The following DACH2 variants were observed in gnomAD, a reference collection of about 807,000 sequenced individuals.
DACH2 encodes dachshund family transcription factor 2, also known as dachshund homolog 2.
Under a neutral mutation model 35.8 loss-of-function variants are expected in DACH2, and 17 were observed. The ratio of observed to expected loss-of-function variants is 0.48; its 90% CI spans 0.33 to 0.71. The LOEUF is 0.71. Among genes scored for constraint, DACH2 ranks in the 30% least tolerant of loss-of-function variants. DACH2 has a pLI of 0.02. For missense variants in DACH2, 469 were observed against 472.7 expected (o/e 0.99, Z 0.07); for synonymous variants, 195 against 177.3 (o/e 1.10, Z -0.79).
chrX:86,610,415 TTCTTTTC>T (rs2039925082), intron 3 of DACH2, among the ~76,000 whole-genome samples: 1 of 79,080 alleles, frequency 1.3e-5, no homozygotes. Context: ...CTTTCTTTCT[TTCTTTTC>T]TTTCTTTCTT....
intron 1 of DACH2, among the ~76,000 whole-genome samples, chrX:86,256,516 G>A (rs963876166): frequency 1.8e-5 from 2 of 111,472 alleles, no homozygotes; most frequent in Non-Finnish European, 3.8e-5. Flanking sequence ...AAGTACACAT[G>A]CGCGTGAGAC....
chrX:86,371,577 T>C (rs964257569), intron 1 of DACH2, among the ~76,000 whole-genome samples: 2 of 110,902 alleles, frequency 1.8e-5, no homozygotes, highest in African/African-American at 3.3e-5. Context: ...AATTTACATC[T>C]TTAAAATAAG....
At chrX:86,241,158 CAGA>C (rs2033158333) in intron 1 of DACH2, among the ~76,000 whole-genome samples, 1 of 111,856 alleles carries the variant, frequency 8.9e-6, no homozygotes, top group South Asian at 3.7e-4. Flanking sequence ...TTGGAAGTCT[CAGA>C]AGAAGACGGG....
intron 1 of DACH2, among the ~76,000 whole-genome samples, chrX:86,255,811 A>G (rs1363219732): frequency 3.6e-5 from 4 of 112,234 alleles, no homozygotes; most frequent in Non-Finnish European, 7.5e-5. Flanking sequence ...GTTCTATATA[A>G]ATCATGAAGT....
rs36194671 is a variant in DACH2 at position 86,411,020 on chromosome X, TTATATATA to T, written c.527+34170_527+34177del. Reference sequence around the variant, plus strand: ...CTCTAGAGGGACAGAACTAATATGATTATATATATATATATATATGTATATATGTAAAG... The same window carrying T: ...CTCTAGAGGGACAGAACTAATATGATTATATATATATGTATATATGTAAAG... On this transcript the variant is annotated intron_variant, in intron 2 of 11. Transcript: ENST00000373125. 1.1e-3 allele frequency among the ~76,000 whole-genome samples: 45 copies of T among 40,508 alleles called. 3 individuals are homozygous for T. The highest frequency in any genetic ancestry group is 1.6e-3 in the Non-Finnish European group (36 of 22,479). 35.2% of individuals were successfully genotyped at this position (40,508 alleles called of 115,157 possible). A position where few individuals can be genotyped will look rare whatever the true frequency, so the allele number is the denominator to read the frequency against.
At chrX:86,242,101 C>G (rs1284757552) in intron 1 of DACH2, among the ~76,000 whole-genome samples, 1 of 112,658 alleles carries the variant, frequency 8.9e-6, no homozygotes, top group Non-Finnish European at 1.9e-5. Flanking sequence ...TGGGGCACTG[C>G]CTAGTGGAGC....
At chrX:86,209,361 A>T (rs1347439568) in intron 1 of DACH2, among the ~76,000 whole-genome samples, 1 of 111,469 alleles carries the variant, frequency 9.0e-6, no homozygotes, top group African/African-American at 3.3e-5. Context: ...GTAAACACAA[A>T]CAAACTCTTA....
intron 4 of DACH2, among the ~76,000 whole-genome samples, chrX:86,687,988 C>T (rs1475924460): frequency 1.8e-5 from 2 of 110,421 alleles, no homozygotes; most frequent in Non-Finnish European, 3.8e-5. Flanking sequence ...AAGTGTATAC[C>T]TATGTAACAA....
chrX:86,399,040 A>C (rs192605654), intron 2 of DACH2, among the ~76,000 whole-genome samples: 201 of 111,493 alleles, frequency 1.8e-3, no homozygotes, highest in Non-Finnish European at 2.4e-3. Flanking sequence ...GTAGGTCACT[A>C]AGGACTTGCT....
intron 4 of DACH2, among the ~76,000 whole-genome samples, chrX:86,690,054 A>AT (rs1440987346): frequency 8.9e-6 from 1 of 111,905 alleles, no homozygotes; most frequent in Non-Finnish European, 1.9e-5. Flanking sequence ...ACTGATCCCT[A>AT]TAGGTGGATG....
intron 6 of DACH2, among the ~76,000 whole-genome samples, chrX:86,723,714 G>A (rs1040563157): frequency 1.8e-5 from 2 of 111,868 alleles, no homozygotes; most frequent in African/African-American, 6.5e-5. Context: ...GGCCAAGTAT[G>A]TGGTCTATCT....
chrX:86,713,424 T>G (rs940459682), intron 5 of DACH2, among the ~76,000 whole-genome samples: 3 of 111,280 alleles, frequency 2.7e-5, no homozygotes, highest in Non-Finnish European at 5.7e-5. Flanking sequence ...CAAGGAAAAG[T>G]GAAGCGATTA....
rs1364879178 is a variant in DACH2, at chrX:86,610,163, C to A, written c.641-40873C>A. On this transcript the variant is annotated intron_variant, in intron 3 of 11. Transcript: ENST00000373125. ...CTATCTGATGTTCTGTTCTATACTG[C>A]AGCAGACCTTCCCATTCTTCCATTC... 1.2e-4 allele frequency among the ~76,000 whole-genome samples: 13 copies of A among 111,312 alleles called. 1 individual carries two copies. The Admixed American group carries it at 1.2e-3, about 11-fold the overall frequency.
intron 3 of DACH2, among the ~76,000 whole-genome samples, chrX:86,605,507 T>C (rs770651448): frequency 9.0e-6 from 1 of 111,641 alleles, no homozygotes; most frequent in Admixed American, 9.5e-5. Context: ...AAAAAATCTT[T>C]GTTCTTTTAT....
At chrX:86,340,745 TA>T (rs1399364316) in intron 1 of DACH2, among the ~76,000 whole-genome samples, 1 of 111,801 alleles carries the variant, frequency 8.9e-6, no homozygotes, top group East Asian at 2.8e-4. Flanking sequence ...TGAGGGAAAT[TA>T]AAAAGTGCTA....
At chrX:86,372,561 G>T (rs1018475890) in intron 1 of DACH2, among the ~76,000 whole-genome samples, 2 of 110,594 alleles carry the variant, frequency 1.8e-5, no homozygotes, top group Non-Finnish European at 3.8e-5. Flanking sequence ...TCTTTCTATG[G>T]GGTAGCCATT....
intron 3 of DACH2, among the ~76,000 whole-genome samples, chrX:86,587,441 A>T (rs765952608): frequency 9.0e-6 from 1 of 111,318 alleles, no homozygotes; most frequent in Non-Finnish European, 1.9e-5. Context: ...TAGGAATTCC[A>T]GTACTATGTT....
intron 4 of DACH2, among the ~76,000 whole-genome samples, chrX:86,667,545 G>GAAAGAAGAAAGA (rs1556364144): frequency 9.6e-4 from 30 of 31,336 alleles, no homozygotes; most frequent in East Asian, 2.2e-3. Context: ...AAGAAAGAAA[G>GAAAGAAGAAAGA]AAGAAAGAAA....
chrX:86,479,361 T>C (rs749376009), intron 2 of DACH2, among the ~76,000 whole-genome samples: 14 of 110,790 alleles, frequency 1.3e-4, no homozygotes, highest in Non-Finnish European at 2.3e-4. Flanking sequence ...GGCCTGAGGA[T>C]GGAGCCCTCA....
Sources: allele counts gnomAD v4.1 joint callset (sites outside exome capture counted in the v4.1 genomes callset), GRCh38; gene constraint gnomAD v4.1.1; transcripts MANE v1.5; gene names NCBI Gene and HGNC (gene_info 2026-07-23, HGNC 2026-07-21).